COLEC12: variants seen among roughly 807,000 people sequenced by gnomAD.
COLEC12 encodes the protein collectin subfamily member 12.
COLEC12 carries 33 observed loss-of-function variants against 71.1 expected under a neutral mutation model. The observed-to-expected ratio is 0.46, with a 90% CI of 0.35 to 0.62. The LOEUF is 0.62. Ranked by LOEUF, COLEC12 falls within the 20% of genes least tolerant of loss-of-function variation. COLEC12 has a pLI of 0.00. For synonymous variants in COLEC12, 350 were observed against 353.0 expected (o/e 0.99, Z 0.10); for missense variants, 765 against 916.1 (o/e 0.84, Z 2.13).
intron 5 of COLEC12, 29 bp from the exon 6 acceptor site, chr18:335,259 A>G (rs1445649450): frequency 6.4e-7 from 1 of 1,564,830 alleles, no homozygotes; most frequent in Admixed American, 2.2e-5. Context: ...AGGTGTCAAC[A>G]TGAAATCCAC....
intron 2 of COLEC12, among the ~76,000 whole-genome samples, chr18:450,277 C>T (rs9675606): frequency 0.23 from 35,286 of 152,074 alleles, 4,104 homozygotes; most frequent in East Asian, 0.28. Context: ...TCTGTGTCTC[C>T]GCCAAATCTC....
rs181640222 is a variant in COLEC12 at position 410,871 on chromosome 18, T to A, written c.59-53349A>T. 3.3e-5 allele frequency among the ~76,000 whole-genome samples: 5 copies of A among 152,126 alleles called. No homozygotes were observed. In the East Asian group the frequency reaches 9.6e-4, roughly 29 times the overall value. On this transcript the variant is annotated intron_variant, in intron 2 of 9. Transcript: ENST00000400256. ...TAGAAAACTTTTCAATAATAAATGC[T>A]CAACACCAGCCAAAAACCACAGAAT...
At chr18:329,166 T>C (rs1278139661) in intron 8 of COLEC12, among the ~76,000 whole-genome samples, 1 of 152,142 alleles carries the variant, frequency 6.6e-6, no homozygotes, top group African/African-American at 2.4e-5. Flanking sequence ...ATCATGTAAT[T>C]CTTGCTGGAC....
intron 2 of COLEC12, among the ~76,000 whole-genome samples, chr18:366,976 G>A (rs1358835343): frequency 6.6e-6 from 1 of 152,196 alleles, no homozygotes; most frequent in Admixed American, 6.5e-5. Flanking sequence ...GGTAGAGGGT[G>A]GAATGAAGGT....
At chr18:463,270 G>A (rs543363752) in intron 2 of COLEC12, among the ~76,000 whole-genome samples, 1 of 152,106 alleles carries the variant, frequency 6.6e-6, no homozygotes, top group East Asian at 1.9e-4. Context: ...TTTAGCCTTG[G>A]TTTATTGTTT....
At chr18:389,219 A>G (rs1417301835) in intron 2 of COLEC12, among the ~76,000 whole-genome samples, 2 of 151,616 alleles carry the variant, frequency 1.3e-5, no homozygotes, top group African/African-American at 4.8e-5. Context: ...ACACACACAC[A>G]CACACACGGC....
chr18:440,620 C>T (rs1486448973), intron 2 of COLEC12, among the ~76,000 whole-genome samples: 1 of 152,136 alleles, frequency 6.6e-6, no homozygotes, highest in African/African-American at 2.4e-5. Flanking sequence ...TTCCAGGATG[C>T]CCTGGGATGC....
intron 2 of COLEC12, among the ~76,000 whole-genome samples, chr18:389,348 G>T (rs968239959): frequency 6.6e-6 from 1 of 150,572 alleles, no homozygotes; most frequent in Non-Finnish European, 1.5e-5. Flanking sequence ...CTGCGATCTC[G>T]GCTCACTGCA....
chr18:460,145 AAG>A (rs1413110299), intron 2 of COLEC12, among the ~76,000 whole-genome samples: 1 of 152,184 alleles, frequency 6.6e-6, no homozygotes, highest in East Asian at 1.9e-4. Context: ...CGTTTTTGAC[AAG>A]AGACTTCATT....
chr18:430,174 C>T (rs1916275421), intron 2 of COLEC12, among the ~76,000 whole-genome samples: 1 of 152,002 alleles, frequency 6.6e-6, no homozygotes, highest in African/African-American at 2.4e-5. Context: ...CCTGTCCCTA[C>T]TGAATACAAA....
intron 1 of COLEC12, among the ~76,000 whole-genome samples, chr18:488,805 AGAG>A (rs756630625): frequency 6.6e-6 from 1 of 152,110 alleles, no homozygotes; most frequent in Non-Finnish European, 1.5e-5. Context: ...CCTGGGAGGC[AGAG>A]GTTGCAATGA....
chr18:328,491 T>C (rs1253552116), intron 8 of COLEC12, among the ~76,000 whole-genome samples: 1 of 152,222 alleles, frequency 6.6e-6, no homozygotes, highest in Middle Eastern at 3.2e-3. Context: ...CTGTAAAATA[T>C]ATACATTCTA....
chr18:462,523 G>T (rs879384904), intron 2 of COLEC12, among the ~76,000 whole-genome samples: 37 of 152,194 alleles, frequency 2.4e-4, no homozygotes, highest in Non-Finnish European at 4.4e-4. Context: ...GTGAAAGGGA[G>T]TTGGAGGGAA....
intron 2 of COLEC12, among the ~76,000 whole-genome samples, chr18:361,551 C>T (rs1914743867): frequency 6.6e-6 from 1 of 152,212 alleles, no homozygotes; most frequent in Non-Finnish European, 1.5e-5. Flanking sequence ...CGCATGAACA[C>T]ACACACCCAC....
intron 2 of COLEC12, among the ~76,000 whole-genome samples, chr18:462,869 C>T (rs781188135): frequency 7.2e-5 from 11 of 152,268 alleles, no homozygotes; most frequent in East Asian, 3.9e-4. Flanking sequence ...GAAGCCTATA[C>T]GTTTCTTTTA....
rs1914996435 is a variant in COLEC12, at chr18:371,422, C to T, written c.59-13900G>A. ...TTTCTACTCCTGCTCACTTCCCAGACACGCCGCAACTGGGCACAAATCACG... is the reference window on the plus strand; with the variant it reads ...TTTCTACTCCTGCTCACTTCCCAGATACGCCGCAACTGGGCACAAATCACG... On this transcript the variant is annotated intron_variant, in intron 2 of 9. Coordinates refer to ENST00000400256, the MANE Select transcript of COLEC12 (RefSeq NM_130386.3). Among the ~76,000 whole-genome samples the T allele has an allele frequency of 2.0e-5, 3 of 152,116 alleles. No homozygotes were observed. The South Asian group carries it at 6.2e-4, about 32-fold the overall frequency.
intron 2 of COLEC12, among the ~76,000 whole-genome samples, chr18:391,433 G>A (rs1412290215): frequency 6.6e-6 from 1 of 152,236 alleles, no homozygotes; most frequent in Non-Finnish European, 1.5e-5. Context: ...GAATACACAT[G>A]TGTTGTGGTA....
In COLEC12 at chr18:347,242, T is replaced by A; in HGVS notation, c.380A>T (p.Glu127Val). The A allele has an allele frequency of 6.2e-7, 1 of 1,614,212 alleles. No individual in the cohort carries two copies. The highest frequency in any genetic ancestry group is 1.1e-5 in the South Asian group (1 of 91,072). ...DLRQQLREITEKTSKNKDTLE... is the reference protein window; with the variant it reads ...DLRQQLREITVKTSKNKDTLE... ...CGTATCCTTGTTCTTGCTGGTTTTT[T>A]CTGTAATCTCACGAAGTTGCTGACG... The change falls in exon 5 of 10, where the codon GAA becomes GTA. Residue 127 changes from glutamate (E) to valine (V), a missense_variant. Physicochemically the swap from Glu to Val is moderately radical, Grantham distance 121 (BLOSUM62 -2). Coordinates refer to ENST00000400256, the MANE Select transcript of COLEC12 (RefSeq NM_130386.3).
intron 2 of COLEC12, among the ~76,000 whole-genome samples, chr18:365,781 A>G (rs1480745930): frequency 6.6e-6 from 1 of 152,164 alleles, no homozygotes; most frequent in African/African-American, 2.4e-5. Flanking sequence ...ATCCACAGTG[A>G]TTCTCCAGTT....
Sources: allele counts gnomAD v4.1 joint callset (sites outside exome capture counted in the v4.1 genomes callset), GRCh38; gene constraint gnomAD v4.1.1; transcripts MANE v1.5; gene names NCBI Gene and HGNC (gene_info 2026-07-23, HGNC 2026-07-21).